NAP1L4: variants seen among roughly 807,000 people sequenced by gnomAD.
NAP1L4 encodes the protein nucleosome assembly protein 1 like 4.
In NAP1L4, 15 loss-of-function variants were observed where a neutral mutation model predicts 58.2. The observed-to-expected ratio is 0.26, with a 90% CI of 0.17 to 0.40. The LOEUF (loss-of-function observed/expected upper bound fraction) is 0.40. Among genes scored for constraint, NAP1L4 ranks in the 10% least tolerant of loss-of-function variants. The pLI is 1.00. For synonymous variants in NAP1L4, 171 were observed against 155.6 expected (o/e 1.10, Z -0.74); for missense variants, 384 against 451.1 (o/e 0.85, Z 1.35).
intron 7 of NAP1L4, among the ~76,000 whole-genome samples, 195 bp from the exon 8 acceptor site, chr11:2,964,946 A>T (rs1190498282): frequency 6.6e-6 from 1 of 152,220 alleles, no homozygotes; most frequent in Non-Finnish European, 1.5e-5. Context: ...AGCAGCACCA[A>T]GGTGTCCCCT....
chr11:2,985,667 C>T (rs186851491), intron 1 of NAP1L4, among the ~76,000 whole-genome samples: 1 of 152,242 alleles, frequency 6.6e-6, no homozygotes, highest in African/African-American at 2.4e-5. Context: ...TCGCATTATA[C>T]ATCATAAATA....
intron 9 of NAP1L4, chr11:2,958,747 G>A: frequency 1.7e-6 from 1 of 572,660 alleles, no homozygotes; most frequent in Non-Finnish European, 3.1e-6. Flanking sequence ...ACTTGGGTGT[G>A]ACCACTGGAA....
intron 8 of NAP1L4, chr11:2,960,137 C>A (rs756858896): frequency 4.3e-6 from 2 of 463,682 alleles, no homozygotes; most frequent in Non-Finnish European, 7.7e-6. Flanking sequence ...GGCATGTTCC[C>A]CCTCCAATGC....
At chr11:2,961,905 G>A (rs567885391) in intron 8 of NAP1L4, among the ~76,000 whole-genome samples, 1 of 152,266 alleles carries the variant, frequency 6.6e-6, no homozygotes, top group South Asian at 2.1e-4. Context: ...GTTCAGTCAA[G>A]AGTAACCCAA....
At chr11:2,974,700 A>C (rs1471018113) in intron 4 of NAP1L4, among the ~76,000 whole-genome samples, 1 of 152,212 alleles carries the variant, frequency 6.6e-6, no homozygotes, top group East Asian at 1.9e-4. Context: ...GCTGGAGATC[A>C]GCCTGGCCAA....
chr11:2,949,392 G>A lies in NAP1L4; in HGVS notation c.1123-128C>T. The A allele has an allele frequency of 1.3e-6, 1 of 755,598 alleles. No individual in the cohort carries two copies. The highest frequency in any genetic ancestry group is 2.4e-6 in the Non-Finnish European group (1 of 424,326). The allele number at this position is 755,598 out of a possible 1,614,324, so 46.8% of individuals were successfully genotyped here. A position where few individuals can be genotyped will look rare whatever the true frequency, so the allele number is the denominator to read the frequency against. On this transcript the variant is annotated intron_variant, in intron 14 of 15. Transcript: ENST00000380542. This position sits in a 1 kb window ranked among gnomAD's most constrained non-coding sequence, Gnocchi z 4.0. ...GGCTGCAAGATACTGAACTCGGGGTGAACAACTTCAACACTAGATCATACT... is the reference window on the plus strand; with the variant it reads ...GGCTGCAAGATACTGAACTCGGGGTAAACAACTTCAACACTAGATCATACT...
Position 2,946,168 on chromosome 11 carries a change from G to A in NAP1L4, c.*33-522C>T, listed in dbSNP as rs1246301277. 3.9e-5 allele frequency among the ~76,000 whole-genome samples: 6 copies of A among 152,128 alleles called. No individual in the cohort carries two copies. The highest frequency in any genetic ancestry group is 1.3e-4 in the Admixed American group (2 of 15,264). Reference sequence around the variant, plus strand: ...CCTGCTCTTTGTACTACCAGGGAGCGCCCCGGCAGATCCATCCTCTTCTGG... The same window carrying A: ...CCTGCTCTTTGTACTACCAGGGAGCACCCCGGCAGATCCATCCTCTTCTGG... On this transcript the variant is annotated intron_variant, in intron 15 of 15. Transcript: ENST00000380542. This position sits in a 1 kb window ranked among gnomAD's most constrained non-coding sequence, Gnocchi z 4.8.
chr11:2,952,914 T>C (rs1846315908), intron 12 of NAP1L4: 1 of 152,042 alleles, frequency 6.6e-6, no homozygotes, highest in African/African-American at 2.4e-5. Context: ...TCCAACAACT[T>C]TCTAGTGTTG....
chr11:2,964,264 A>C (rs1170679949), intron 8 of NAP1L4, among the ~76,000 whole-genome samples: 2 of 152,318 alleles, frequency 1.3e-5, no homozygotes, highest in Admixed American at 1.3e-4. Context: ...TGGGAAAAGA[A>C]TGGTATCATC....
chr11:2,982,243 C>T (rs1848364661), intron 1 of NAP1L4, among the ~76,000 whole-genome samples: 1 of 152,204 alleles, frequency 6.6e-6, no homozygotes, highest in African/African-American at 2.4e-5. Flanking sequence ...GATTCTGATA[C>T]ATACTGCCAA....
chr11:2,965,356 T>TG (rs1355789336), intron 7 of NAP1L4, among the ~76,000 whole-genome samples: 3 of 152,212 alleles, frequency 2.0e-5, no homozygotes, highest in Admixed American at 2.0e-4. Context: ...GCTGCAAACC[T>TG]GAACAGCATG....
At chr11:2,978,373 C>T (rs754036724) in intron 2 of NAP1L4, 31 bp from the exon 3 acceptor site, 13 of 1,602,488 alleles carry the variant, frequency 8.1e-6, no homozygotes, top group South Asian at 1.1e-5. Context: ...AAAAGTATTA[C>T]TGTAAAGAAA....
At chr11:2,950,120 G>A (rs1846146885) in intron 14 of NAP1L4, among the ~76,000 whole-genome samples, 1 of 152,202 alleles carries the variant, frequency 6.6e-6, no homozygotes. Flanking sequence ...CGCACACTGT[G>A]ATGCACGCAA....
At position 2,955,343 on chromosome 11, in the gene NAP1L4, C is replaced by T. The variant is rs751403194; in HGVS notation, c.915+401G>A. The stretch of plus-strand genomic sequence containing the variant: ...TCCTGAGTAGCTGAGATTACAGGCG[C>T]TGCCACCGTGTCCAACTAATTTTTT... On this transcript the variant is annotated intron_variant, in intron 11 of 15. Coordinates refer to ENST00000380542, the MANE Select transcript of NAP1L4 (RefSeq NM_005969.4). This position sits in a 1 kb window ranked among gnomAD's most constrained non-coding sequence, Gnocchi z 4.2. 5.3e-5 allele frequency among the ~76,000 whole-genome samples: 8 copies of T among 151,840 alleles called. No individual in the cohort carries two copies. Among genetic ancestry groups the T allele is most frequent in the Non-Finnish European group, 7.4e-5 (5 of 68,006 alleles).
chr11:2,977,764 GT>G (rs1227876622), intron 3 of NAP1L4, among the ~76,000 whole-genome samples: 5 of 150,614 alleles, frequency 3.3e-5, no homozygotes, highest in East Asian at 2.0e-4. Flanking sequence ...TACAGATATA[GT>G]TTTTTTTAAT....
chr11:2,970,396 T>A (rs1488127331), intron 6 of NAP1L4, among the ~76,000 whole-genome samples: 2 of 152,024 alleles, frequency 1.3e-5, no homozygotes, highest in Admixed American at 1.3e-4. Flanking sequence ...TGACCTCTTG[T>A]TAAAATTTGT....
intron 8 of NAP1L4, among the ~76,000 whole-genome samples, chr11:2,961,634 A>G (rs1309013341): frequency 6.6e-6 from 1 of 152,158 alleles, no homozygotes; most frequent in Non-Finnish European, 1.5e-5. Context: ...GGTGGCCCCA[A>G]TAAAACAAAT....
intron 7 of NAP1L4, among the ~76,000 whole-genome samples, chr11:2,967,036 C>A (rs1167195044): frequency 6.6e-6 from 1 of 152,210 alleles, no homozygotes; most frequent in African/African-American, 2.4e-5. Context: ...ACTCTCCTTG[C>A]AGAAATATAT....
At chr11:2,961,057 C>A (rs540414266) in intron 8 of NAP1L4, among the ~76,000 whole-genome samples, 1 of 151,982 alleles carries the variant, frequency 6.6e-6, no homozygotes, top group African/African-American at 2.4e-5. Context: ...CACTTAGAGC[C>A]GCGTTTATAG....
Sources: allele counts gnomAD v4.1 joint callset (sites outside exome capture counted in the v4.1 genomes callset), GRCh38; gene constraint gnomAD v4.1.1; non-coding constraint Gnocchi (gnomAD v3.1); transcripts MANE v1.5; gene names NCBI Gene and HGNC (gene_info 2026-07-23, HGNC 2026-07-21).